Variants in CEP112 observed in about 807,000 individuals in gnomAD.
CEP112 encodes centrosomal protein of 112 kDa.
Under a neutral mutation model 153.0 loss-of-function variants are expected in CEP112, and 127 were observed. The ratio of observed to expected loss-of-function variants is 0.83; its 90% CI spans 0.72 to 0.96. The LOEUF (loss-of-function observed/expected upper bound fraction) is 0.96, where lower values mean the gene tolerates loss of function less well. Ranked by LOEUF, CEP112 falls within the 40% of genes least tolerant of loss-of-function variation. CEP112 has a pLI of 0.00. For missense variants in CEP112, 1,089 were observed against 1,101.2 expected (o/e 0.99, Z 0.16); for synonymous variants, 358 against 374.4 (o/e 0.96, Z 0.51).
At chr17:65,891,712 G>A (rs1052405441) in intron 20 of CEP112, among the ~76,000 whole-genome samples, 10 of 152,104 alleles carry the variant, frequency 6.6e-5, no homozygotes, top group African/African-American at 2.4e-4. Flanking sequence ...CTCTTCACCA[G>A]GGCTTAAAAA....
chr17:65,697,046 C>CTATTTG (rs2048395177), intron 23 of CEP112, among the ~76,000 whole-genome samples: 1 of 151,982 alleles, frequency 6.6e-6, no homozygotes, highest in Non-Finnish European at 1.5e-5. Flanking sequence ...AGAGGAAGGC[C>CTATTTG]TATTTTTATT....
chr17:66,191,872 G>A lies in CEP112; in HGVS notation c.-9+125C>T, dbSNP rs1467829058. 6.6e-6 allele frequency: 1 copy of A among 152,168 alleles called. No homozygotes were observed. Among genetic ancestry groups the A allele is most frequent in the East Asian group, 1.9e-4 (1 of 5,156 alleles). The allele number at this position is 152,168 out of a possible 1,614,324, so 9.4% of individuals were successfully genotyped here. On this transcript the variant is annotated intron_variant, in intron 1 of 26. Coordinates refer to ENST00000535342, the MANE Select transcript of CEP112 (RefSeq NM_001199165.4). The surrounding 1 kb of genome is among the most constrained non-coding windows in gnomAD (Gnocchi z 4.2). Reference sequence around the variant, plus strand: ...CCCCAGGCCCGGAGAACGGGCCCAGGGCCTGAGGGCGACGCCCCTTCCCGA... The same window carrying A: ...CCCCAGGCCCGGAGAACGGGCCCAGAGCCTGAGGGCGACGCCCCTTCCCGA...
intron 21 of CEP112, among the ~76,000 whole-genome samples, chr17:65,818,843 G>A (rs998714598): frequency 2.6e-5 from 4 of 151,914 alleles, no homozygotes; most frequent in Middle Eastern, 3.4e-3. Flanking sequence ...AACTTCTGGT[G>A]TTCAGATTGA....
At chr17:65,995,222 C>G (rs774058669) in intron 17 of CEP112, among the ~76,000 whole-genome samples, 5 of 152,044 alleles carry the variant, frequency 3.3e-5, no homozygotes, top group Non-Finnish European at 5.9e-5. Context: ...GGAATTCTAA[C>G]CTGGCTTTGA....
In CEP112 at chr17:66,014,329, C is replaced by A. The variant is rs189638082; in HGVS notation, c.1657-8560G>T. ...CTAGGGAGGCATCCTGGTTGAGCATCTGAGTCTGCACTGTAAGCAGGCAAA... is the reference window on the plus strand; with the variant it reads ...CTAGGGAGGCATCCTGGTTGAGCATATGAGTCTGCACTGTAAGCAGGCAAA... On this transcript the variant is annotated intron_variant, in intron 16 of 26. Transcript: ENST00000535342. Among the ~76,000 whole-genome samples the A allele has an allele frequency of 8.5e-4, 130 of 152,250 alleles. 3 individuals carry two copies. Among genetic ancestry groups the A allele is most frequent in the South Asian group, 8.5e-3 (41 of 4,830 alleles).
At chr17:65,769,715 T>G (rs1182161330) in intron 21 of CEP112, among the ~76,000 whole-genome samples, 1 of 152,002 alleles carries the variant, frequency 6.6e-6, no homozygotes, top group Non-Finnish European at 1.5e-5. Flanking sequence ...TTTCTACATG[T>G]AAAAGAATAA....
At chr17:66,158,488 T>G (rs2071543597) in intron 4 of CEP112, among the ~76,000 whole-genome samples, 1 of 151,922 alleles carries the variant, frequency 6.6e-6, no homozygotes, top group South Asian at 2.1e-4. Context: ...GGTGGGCGCC[T>G]GTAGTCCCAG....
At chr17:66,054,469 A>G (rs1373078) in intron 11 of CEP112, among the ~76,000 whole-genome samples, 86,640 of 152,062 alleles carry the variant, frequency 0.57, 25,854 homozygotes, top group African/African-American at 0.67. Flanking sequence ...GTCTTTATTT[A>G]TAAAAATCAT....
intron 4 of CEP112, among the ~76,000 whole-genome samples, chr17:66,157,865 C>A (rs2071517200): frequency 6.6e-6 from 1 of 152,120 alleles, no homozygotes; most frequent in Admixed American, 6.6e-5. Context: ...GCACCCAATA[C>A]AGGAGCATCC....
intron 21 of CEP112, among the ~76,000 whole-genome samples, chr17:65,817,077 G>GT (rs1302888961): frequency 6.6e-6 from 1 of 151,698 alleles, no homozygotes; most frequent in Non-Finnish European, 1.5e-5. Flanking sequence ...ACATACCTTT[G>GT]TTTTTTTCTG....
chr17:65,644,340 C>A, intron 24 of CEP112: 1 of 564,262 alleles, frequency 1.8e-6, no homozygotes, highest in South Asian at 2.0e-5. Context: ...TGGTGAAGCC[C>A]AATGGTGAGA....
intron 20 of CEP112, among the ~76,000 whole-genome samples, chr17:65,888,713 G>C (rs1396462670): frequency 6.6e-6 from 1 of 152,148 alleles, no homozygotes; most frequent in Non-Finnish European, 1.5e-5. Context: ...TCTACTTAGA[G>C]ATACTTCAAG....
chr17:66,164,544 G>A (rs1181902779), intron 4 of CEP112, among the ~76,000 whole-genome samples: 146 of 111,968 alleles, frequency 1.3e-3, no homozygotes, highest in African/African-American at 4.5e-3. Context: ...GCGACAGTGC[G>A]AAACTCTATC....
At chr17:65,700,069 CCTT>C (rs1167730576) in intron 23 of CEP112, among the ~76,000 whole-genome samples, 4 of 151,854 alleles carry the variant, frequency 2.6e-5, no homozygotes, top group Admixed American at 2.6e-4. Flanking sequence ...TCCTCCTCCT[CCTT>C]CCCACATGCT....
At chr17:66,107,168 C>T (rs2068819006) in intron 6 of CEP112, among the ~76,000 whole-genome samples, 1 of 152,070 alleles carries the variant, frequency 6.6e-6, no homozygotes, top group African/African-American at 2.4e-5. Flanking sequence ...TCATATACAA[C>T]AGACCCACAG....
intron 20 of CEP112, among the ~76,000 whole-genome samples, chr17:65,875,893 C>T (rs528546040): frequency 8.8e-4 from 134 of 152,184 alleles, no homozygotes; most frequent in Non-Finnish European, 1.2e-3. Context: ...AAATTTAATA[C>T]GTAGAGTCTA....
chr17:65,914,980 T>G (rs547692809), intron 19 of CEP112, among the ~76,000 whole-genome samples: 1 of 152,266 alleles, frequency 6.6e-6, no homozygotes, highest in African/African-American at 2.4e-5. Context: ...CCCATCTAAC[T>G]TCCCTTCTTG....
At chr17:66,093,938 C>T (rs8074174) in intron 8 of CEP112, among the ~76,000 whole-genome samples, 152,088 of 152,336 alleles carry the variant, frequency 1, 75,921 homozygotes, top group Middle Eastern at 1. Flanking sequence ...TATAAAGCTA[C>T]AGCAATCAAA....
chr17:65,902,286 G>T lies in CEP112; in HGVS notation c.2029C>A (p.Gln677Lys). 1 of 1,613,832 alleles carries T rather than the reference G, an allele frequency of 6.2e-7. No homozygotes were observed. Among genetic ancestry groups the T allele is most frequent in the Non-Finnish European group, 8.5e-7 (1 of 1,179,942 alleles). ...EHEQEKTHLL[Q>K]QHNAEKDSLV... ...CTATCCTTCTCTGCGTTATGCTGCTGTAATAGGTGCGTCTTCTCCTGTTCA... is the reference window on the plus strand; with the variant it reads ...CTATCCTTCTCTGCGTTATGCTGCTTTAATAGGTGCGTCTTCTCCTGTTCA... Residue 677 changes from glutamine to lysine, a missense_variant, in exon 20 of 27, where the codon CAG becomes AAG. Physicochemically the swap from Gln to Lys is moderately conservative, Grantham distance 53. Coordinates refer to ENST00000535342, the MANE Select transcript of CEP112 (RefSeq NM_001199165.4).
Sources: gnomAD v4.1 joint callset for allele counts (sites outside exome capture counted in the v4.1 genomes callset) on GRCh38, gnomAD v4.1.1 for gene constraint, Gnocchi (gnomAD v3.1) non-coding constraint, MANE v1.5 for transcripts, NCBI Gene and HGNC (gene_info 2026-07-23, HGNC 2026-07-21) for gene names.